Variants in GPM6A observed in about 807,000 individuals in gnomAD.
GPM6A encodes glycoprotein M6A.
GPM6A carries 7 observed loss-of-function variants against 32.1 expected under a neutral mutation model. The observed-to-expected ratio is 0.22, with a 90% confidence interval of 0.12 to 0.41. The LOEUF (loss-of-function observed/expected upper bound fraction) is 0.41, where lower values mean the gene tolerates loss of function less well. Among genes scored for constraint, GPM6A ranks in the 10% least tolerant of loss-of-function variants. The pLI is 1.00. For synonymous variants in GPM6A, 130 were observed against 123.4 expected (o/e 1.05, Z -0.35); for missense variants, 235 against 347.2 (o/e 0.68, Z 2.57).
chr4:175,640,135 A>C lies in GPM6A; in HGVS notation c.678T>G (p.Ile226Met). ...VALAGAGAAV[I>M]AMVHYLMVLS... Reference sequence around the variant, plus strand: ...CAGCGCTTTGAGGTCTTACCATAGCAATGACTGCTGCCCCAGCTCCAGCAA... The same window carrying C: ...CAGCGCTTTGAGGTCTTACCATAGCCATGACTGCTGCCCCAGCTCCAGCAA... Residue 226 changes from isoleucine to methionine, a missense_variant, in exon 6 of 7, where the codon ATT becomes ATG. Physicochemically the swap from Ile to Met is conservative, Grantham distance 10 (BLOSUM62 1). This residue lies in a region of GPM6A where 107 missense variants were observed against 116.7 expected (regional missense o/e 0.92). Transcript: ENST00000393658. The C allele has an allele frequency of 6.2e-7, 1 of 1,612,882 alleles. No individual in the cohort carries two copies. Among genetic ancestry groups the C allele is most frequent in the Middle Eastern group, 1.7e-4 (1 of 6,060 alleles).
In GPM6A at chr4:176,002,301, G is replaced by T. The variant is rs780714341; in HGVS notation, c.-23+8C>A. On this transcript the variant is annotated splice_region_variant and intron_variant, in intron 1 of 7. Transcript: ENST00000280187. Reference sequence around the variant, plus strand: ...GGGCGAGGTGTACGCGCCCGCCCGCGCACTCACCCATGGCCCGAGGTCCTG... The same window carrying T: ...GGGCGAGGTGTACGCGCCCGCCCGCTCACTCACCCATGGCCCGAGGTCCTG... 2.4e-5 allele frequency: 39 copies of T among 1,600,078 alleles called. No individual in the cohort carries two copies. In the Middle Eastern group the frequency reaches 2.3e-3, roughly 95 times the overall value.
At chr4:175,942,626 A>G (rs1267135453) in intron 1 of GPM6A, among the ~76,000 whole-genome samples, 1 of 152,192 alleles carries the variant, frequency 6.6e-6, no homozygotes, top group Non-Finnish European at 1.5e-5. Flanking sequence ...CCATTTATTA[A>G]ATAGGGAATC....
At chr4:175,715,906 A>T (rs1010987128) in intron 1 of GPM6A, among the ~76,000 whole-genome samples, 10 of 152,048 alleles carry the variant, frequency 6.6e-5, no homozygotes, top group Admixed American at 5.2e-4. Context: ...TCTCTACTAA[A>T]TATACAAAAT....
chr4:175,636,520 G>T (rs942616578), intron 6 of GPM6A, among the ~76,000 whole-genome samples: 7 of 150,812 alleles, frequency 4.6e-5, no homozygotes, highest in Non-Finnish European at 4.4e-5. Context: ...TTGAGGCCAG[G>T]TGCGGTGGCT....
At chr4:175,932,098 G>GA (rs545004795) in intron 1 of GPM6A, among the ~76,000 whole-genome samples, 2,478 of 108,188 alleles carry the variant, frequency 0.023, 89 homozygotes, top group African/African-American at 0.072. Flanking sequence ...TTGCCTCTAG[G>GA]AAAAAAAAAA....
chr4:175,897,346 T>A (rs189137968), intron 1 of GPM6A, among the ~76,000 whole-genome samples: 256 of 152,198 alleles, frequency 1.7e-3, no homozygotes, highest in Non-Finnish European at 1.4e-3. Context: ...CTTCCCACTC[T>A]CCAATCTCAC....
At chr4:175,956,415 A>G (rs999360443) in intron 1 of GPM6A, among the ~76,000 whole-genome samples, 3 of 152,228 alleles carry the variant, frequency 2.0e-5, no homozygotes, top group African/African-American at 7.2e-5. Flanking sequence ...TCGAATTCAT[A>G]TCACTATTTC....
intron 1 of GPM6A, among the ~76,000 whole-genome samples, chr4:175,983,717 C>G (rs983772072): frequency 6.6e-6 from 1 of 152,062 alleles, no homozygotes; most frequent in African/African-American, 2.4e-5. Context: ...CATCTATGCT[C>G]CTGAGATATA....
chr4:175,929,622 C>T (rs1054978696), intron 1 of GPM6A, among the ~76,000 whole-genome samples: 5 of 152,142 alleles, frequency 3.3e-5, no homozygotes, highest in Admixed American at 2.0e-4. Flanking sequence ...ACTCTTCAAA[C>T]GTTTCCCTTT....
At chr4:175,640,238 G>A (rs755606618) in intron 5 of GPM6A, 44 bp from the exon 6 acceptor site, 3 of 1,484,996 alleles carry the variant, frequency 2.0e-6, no homozygotes, top group East Asian at 4.5e-5. Context: ...CAGAGTTATA[G>A]GTAGAAGAGA....
intron 1 of GPM6A, among the ~76,000 whole-genome samples, chr4:175,730,432 G>A (rs1690705065): frequency 2.7e-5 from 4 of 150,038 alleles, no homozygotes; most frequent in Non-Finnish European, 5.9e-5. Context: ...TAGTATAGAC[G>A]GGGTTTCACG....
chr4:175,885,021 T>C (rs1281829519), intron 1 of GPM6A, among the ~76,000 whole-genome samples: 1 of 152,192 alleles, frequency 6.6e-6, no homozygotes, highest in Non-Finnish European at 1.5e-5. Flanking sequence ...AATCTTATGA[T>C]TAGCAATTCC....
rs190984637 is a variant in GPM6A at position 175,962,916 on chromosome 4, G to T, written c.-23+39393C>A. Reference sequence around the variant, plus strand: ...AACTATGATTAATAAGGACTCTAATGGATAAAGCAGATAGCATGTAAGAAC... The same window carrying T: ...AACTATGATTAATAAGGACTCTAATTGATAAAGCAGATAGCATGTAAGAAC... On this transcript the variant is annotated intron_variant, in intron 1 of 7. Transcript: ENST00000280187. 5.3e-5 allele frequency among the ~76,000 whole-genome samples: 8 copies of T among 152,136 alleles called. No homozygotes were observed. In the East Asian group the frequency reaches 1.5e-3, roughly 29 times the overall value.
At chr4:175,748,033 A>G (rs1459883277) in intron 1 of GPM6A, among the ~76,000 whole-genome samples, 1 of 152,150 alleles carries the variant, frequency 6.6e-6, no homozygotes, top group African/African-American at 2.4e-5. Context: ...CATCCACTCA[A>G]ATTTTATCGT....
intron 1 of GPM6A, among the ~76,000 whole-genome samples, chr4:175,873,721 G>C (rs1417386753): frequency 6.6e-6 from 1 of 152,062 alleles, no homozygotes; most frequent in Non-Finnish European, 1.5e-5. Flanking sequence ...ATATTTAAAA[G>C]AGATAACAAT....
At chr4:175,867,296 C>G (rs553825053) in intron 1 of GPM6A, among the ~76,000 whole-genome samples, 78 of 152,208 alleles carry the variant, frequency 5.1e-4, no homozygotes, top group African/African-American at 1.7e-3. Flanking sequence ...ATAAATTGCG[C>G]CTTCAATGTT....
intron 3 of GPM6A, among the ~76,000 whole-genome samples, chr4:175,670,941 G>A (rs562452468): frequency 1.4e-5 from 2 of 146,508 alleles, no homozygotes; most frequent in South Asian, 4.2e-4. Context: ...TGGGCTCACT[G>A]CAACCTCTGC....
intron 1 of GPM6A, among the ~76,000 whole-genome samples, chr4:175,764,286 A>T (rs143239765): frequency 6.6e-6 from 1 of 152,146 alleles, no homozygotes; most frequent in Admixed American, 6.5e-5. Flanking sequence ...TTTATGCCTG[A>T]CTTCTTTAAT....
At chr4:175,955,545 A>G (rs1480278277) in intron 1 of GPM6A, among the ~76,000 whole-genome samples, 1 of 152,224 alleles carries the variant, frequency 6.6e-6, no homozygotes, top group African/African-American at 2.4e-5. Context: ...ATATATTTTC[A>G]TCAGTACAGA....
Sources: gnomAD v4.1 joint callset for allele counts (sites outside exome capture counted in the v4.1 genomes callset) on GRCh38, gnomAD v4.1.1 for gene constraint, gnomAD v4.1.1 regional missense constraint, MANE v1.5 for transcripts, NCBI Gene and HGNC (gene_info 2026-07-23, HGNC 2026-07-21) for gene names.